TRERF1: variants seen among roughly 807,000 people sequenced by gnomAD.
TRERF1 encodes the protein transcriptional-regulating factor 1.
Under a neutral mutation model 122.9 loss-of-function variants are expected in TRERF1, and 27 were observed. That is an observed-to-expected ratio of 0.22 (90% CI 0.16 to 0.30). The LOEUF (loss-of-function observed/expected upper bound fraction) is 0.30, where lower values mean the gene tolerates loss of function less well. Ranked by LOEUF, TRERF1 falls within the 10% of genes least tolerant of loss-of-function variation. TRERF1 has a pLI of 1.00. For missense variants in TRERF1, 1,248 were observed against 1,560.3 expected, an observed-to-expected ratio of 0.80 and a Z score of 3.37; for synonymous variants, 636 against 641.7, an observed-to-expected ratio of 0.99 and a Z score of 0.13.
intron 2 of TRERF1, among the ~76,000 whole-genome samples, chr6:42,390,703 A>C (rs996580117): frequency 1.3e-5 from 2 of 152,128 alleles, no homozygotes; most frequent in African/African-American, 4.8e-5. Flanking sequence ...GTACAGCCAA[A>C]ATTTCACCGC....
At chr6:42,282,089 T>G (rs1224390947) in intron 4 of TRERF1, among the ~76,000 whole-genome samples, 1 of 152,076 alleles carries the variant, frequency 6.6e-6, no homozygotes, top group African/African-American at 2.4e-5. Flanking sequence ...TTCTAGGGAG[T>G]TGGTTAAAGC....
intron 3 of TRERF1, among the ~76,000 whole-genome samples, chr6:42,314,413 T>TA (rs1413541658): frequency 6.6e-6 from 1 of 152,142 alleles, no homozygotes; most frequent in Non-Finnish European, 1.5e-5. Flanking sequence ...TGTGCACAGT[T>TA]AAACTAGGGC....
intron 8 of TRERF1, among the ~76,000 whole-genome samples, chr6:42,262,351 A>G (rs1017888310): frequency 6.6e-6 from 1 of 151,662 alleles, no homozygotes; most frequent in African/African-American, 2.4e-5. Context: ...ATTCCTAAGG[A>G]CAAATATGAC....
chr6:42,259,757 T>C lies in TRERF1; in HGVS notation c.1885-34A>G, dbSNP rs770052985. 18 of 1,598,946 alleles carry C rather than the reference T, an allele frequency of 1.1e-5. No homozygotes were observed. The East Asian group carries it at 3.8e-4, about 34-fold the overall frequency. On this transcript the variant is annotated intron_variant, in intron 8 of 17. Coordinates refer to ENST00000372922, the Ensembl canonical transcript of TRERF1. This position sits in a 1 kb window ranked among gnomAD's most constrained non-coding sequence, Gnocchi z 4.9. ...GGAACAACGATCTGATTCGAATACT[T>C]CAGCTTCCCCCGCAGGCCATTTCCA...
In TRERF1 at chr6:42,261,777, C is replaced by G. The variant is rs759910882; in HGVS notation, c.1884+1543G>C. Among the ~76,000 whole-genome samples the G allele has an allele frequency of 3.3e-5, 5 of 152,292 alleles. No individual in the cohort carries two copies. In the East Asian group the frequency reaches 9.7e-4, roughly 29 times the overall value. On this transcript the variant is annotated intron_variant, in intron 8 of 17. Transcript: ENST00000372922. ...CACTTCAGCCTACCGCCCCCACCAA[C>G]GAGGTCTCTCTCACCCTTCCATTAA...
intron 4 of TRERF1, among the ~76,000 whole-genome samples, chr6:42,295,425 G>A (rs1784935841): frequency 6.6e-6 from 1 of 152,142 alleles, no homozygotes; most frequent in African/African-American, 2.4e-5. Flanking sequence ...AATGTTAGCC[G>A]CAGGACTTCT....
intron 13 of TRERF1, among the ~76,000 whole-genome samples, chr6:42,251,049 T>C (rs752782180): frequency 1.4e-5 from 2 of 140,720 alleles, no homozygotes; most frequent in Non-Finnish European, 3.0e-5. Flanking sequence ...CAGGTTGGAG[T>C]GCAGTGGCGT....
intron 3 of TRERF1, among the ~76,000 whole-genome samples, chr6:42,360,310 G>A (rs998090460): frequency 5.9e-5 from 9 of 152,192 alleles, no homozygotes; most frequent in Non-Finnish European, 1.2e-4. Context: ...CAGAATTTGA[G>A]TTCAGTGTTT....
chr6:42,410,698 G>A (rs1780986997), intron 2 of TRERF1, among the ~76,000 whole-genome samples: 2 of 152,128 alleles, frequency 1.3e-5, no homozygotes, highest in Non-Finnish European at 2.9e-5. Flanking sequence ...CAATGGCCAT[G>A]TGTCTGATTC....
At chr6:42,418,213 C>CCT (rs1782146508) in intron 2 of TRERF1, among the ~76,000 whole-genome samples, 4 of 28,702 alleles carry the variant, frequency 1.4e-4, no homozygotes, top group African/African-American at 2.3e-4. Context: ...CTTTCTTTTT[C>CCT]TTTCCTTTTT....
rs546980847 is a variant in TRERF1, at chr6:42,436,087, G to A, written c.-454+15090C>T. Among the ~76,000 whole-genome samples the A allele has an allele frequency of 3.9e-5, 6 of 152,252 alleles. No homozygotes were observed. In the South Asian group the frequency reaches 6.2e-4, roughly 16 times the overall value. ...GAGTCCATATGAAAGGATAATAAGC[G>A]TCTGGGCTCAGTGGCTCACGCCTGT... is the stretch of plus-strand genomic sequence containing the variant. On this transcript the variant is annotated intron_variant, in intron 2 of 17. Coordinates refer to ENST00000372922, the Ensembl canonical transcript of TRERF1.
chr6:42,326,030 A>C (rs1390221398), intron 3 of TRERF1, among the ~76,000 whole-genome samples: 1 of 152,178 alleles, frequency 6.6e-6, no homozygotes, highest in Non-Finnish European at 1.5e-5. Context: ...AAAATGCGGG[A>C]GGGTGGCAAG....
intron 3 of TRERF1, among the ~76,000 whole-genome samples, chr6:42,355,645 A>G (rs1351032154): frequency 6.6e-6 from 1 of 152,206 alleles, no homozygotes; most frequent in Non-Finnish European, 1.5e-5. Flanking sequence ...AAGGATTTTC[A>G]AAGGCCTTTT....
chr6:42,367,280 A>G (rs1415880576), intron 2 of TRERF1, among the ~76,000 whole-genome samples: 1 of 152,206 alleles, frequency 6.6e-6, no homozygotes, highest in Non-Finnish European at 1.5e-5. Flanking sequence ...CAGAGGCCAC[A>G]GAGCATTTCC....
At position 42,330,102 on chromosome 6, in the gene TRERF1, T is replaced by C. The variant is rs552503862; in HGVS notation, c.-370-29353A>G. Among the ~76,000 whole-genome samples the C allele has an allele frequency of 2.9e-4, 44 of 152,248 alleles. No individual in the cohort carries two copies. The South Asian group carries it at 8.1e-3, about 28-fold the overall frequency. On this transcript the variant is annotated intron_variant, in intron 3 of 17. Transcript: ENST00000372922. ...CCTCTGCATATTAATATCCTTAATA[T>C]ATAAAGACAGCTTTGAAATCAATAA...
rs12664399 is a variant in TRERF1 at position 42,401,960 on chromosome 6, C to T, written c.-453-38881G>A. Among the ~76,000 whole-genome samples, 1,350 of 152,078 alleles carry T rather than the reference C, an allele frequency of 8.9e-3. 12 individuals are homozygous for T. The highest frequency in any genetic ancestry group is 0.057 in the East Asian group (293 of 5,182). ...GCTTTGAAGCATTCCTCTCAGCAGC[C>T]GATAACGAAGAAATAAGAGTGGGTC... On this transcript the variant is annotated intron_variant, in intron 2 of 17. Transcript: ENST00000372922.
rs1451568328 is a variant in TRERF1 at position 42,393,837 on chromosome 6, T to G, written c.-453-30758A>C. ...CTCACAATAGAGTTTTTAAAGCACA[T>G]TACATAACAATATGTGCAATATGAT... On this transcript the variant is annotated intron_variant, in intron 2 of 17. Transcript: ENST00000372922. This position sits in a 1 kb window ranked among gnomAD's most constrained non-coding sequence, Gnocchi z 4.1. Among the ~76,000 whole-genome samples the G allele has an allele frequency of 6.6e-6, 1 of 151,330 alleles. No individual in the cohort carries two copies. The highest frequency in any genetic ancestry group is 6.6e-5 in the Admixed American group (1 of 15,192).
chr6:42,340,369 C>T (rs2150699854), intron 3 of TRERF1, among the ~76,000 whole-genome samples: 1 of 152,268 alleles, frequency 6.6e-6, no homozygotes, highest in Non-Finnish European at 1.5e-5. Context: ...GGCCCATTCA[C>T]AGACGGTTGA....
At chr6:42,363,476 T>C (rs1033481924) in intron 2 of TRERF1, among the ~76,000 whole-genome samples, 2 of 152,266 alleles carry the variant, frequency 1.3e-5, no homozygotes, top group African/African-American at 4.8e-5. Flanking sequence ...CATTAGGTTA[T>C]TGTGATAACC....
Sources: allele counts gnomAD v4.1 joint callset (sites outside exome capture counted in the v4.1 genomes callset), GRCh38; gene constraint gnomAD v4.1.1; non-coding constraint Gnocchi (gnomAD v3.1); transcripts MANE v1.5; gene names NCBI Gene and HGNC (gene_info 2026-07-23, HGNC 2026-07-21).